TDRD3: variants seen among roughly 807,000 people sequenced by gnomAD.
TDRD3 encodes the protein tudor domain-containing protein 3.
Under a neutral mutation model 86.7 loss-of-function variants are expected in TDRD3, and 45 were observed. That is an observed-to-expected ratio of 0.52 (90% CI 0.41 to 0.67). The LOEUF (loss-of-function observed/expected upper bound fraction) is 0.67. Among genes scored for constraint, TDRD3 ranks in the 30% least tolerant of loss-of-function variants. The pLI is 0.00. For missense variants in TDRD3, 814 were observed against 889.0 expected (o/e 0.92, Z 1.07); for synonymous variants, 298 against 301.7 (o/e 0.99, Z 0.13).
intron 12 of TDRD3, among the ~76,000 whole-genome samples, chr13:60,562,458 A>G (rs1420416910): frequency 6.6e-6 from 1 of 152,256 alleles, no homozygotes; most frequent in Non-Finnish European, 1.5e-5. Flanking sequence ...ATTAAAGTCC[A>G]TTACATGTTT....
chr13:60,430,015 A>G (rs1374075338), intron 1 of TDRD3, among the ~76,000 whole-genome samples: 1 of 152,116 alleles, frequency 6.6e-6, no homozygotes, highest in Non-Finnish European at 1.5e-5. Context: ...TTCTTAGAAA[A>G]ACTCTGTAGA....
In TDRD3 at chr13:60,567,670, G is replaced by A. The variant is rs1279954049; in HGVS notation, c.*9+20G>A. The stretch of plus-strand genomic sequence containing the variant: ...GAAAAGGTAAACTTAACATTGTGAA[G>A]TGGTTTTCATATAAAGAAAGATGAA... On this transcript the variant is annotated intron_variant, in intron 13 of 13. Coordinates refer to ENST00000377881, the MANE Select transcript of TDRD3 (RefSeq NM_001146070.2). The A allele has an allele frequency of 4.4e-6, 7 of 1,608,864 alleles. No homozygotes were observed. Among genetic ancestry groups the A allele is most frequent in the East Asian group, 2.2e-5 (1 of 44,860 alleles).
intron 3 of TDRD3, 103 bp downstream of exon 3, chr13:60,444,851 A>C: frequency 1.7e-6 from 1 of 590,238 alleles, no homozygotes; most frequent in South Asian, 3.5e-5. Context: ...CAATTGCAAA[A>C]TACTCTGGAG....
intron 10 of TDRD3, among the ~76,000 whole-genome samples, chr13:60,526,678 C>T (rs1248915385): frequency 2.8e-5 from 4 of 144,580 alleles, no homozygotes; most frequent in African/African-American, 1.0e-4. Flanking sequence ...AATCTTATAT[C>T]TTAGAAAAAT....
intron 8 of TDRD3, 73 bp from the exon 9 acceptor site, chr13:60,509,690 A>G: frequency 1.9e-6 from 3 of 1,563,500 alleles, no homozygotes; most frequent in Non-Finnish European, 2.6e-6. Context: ...GTTAAAAGAC[A>G]GTAAGTAGTT....
In TDRD3 at chr13:60,508,827, C is replaced by T. The variant is rs570146649; in HGVS notation, c.859-936C>T. On this transcript the variant is annotated intron_variant, in intron 8 of 13. Coordinates refer to ENST00000377881, the MANE Select transcript of TDRD3 (RefSeq NM_001146070.2). ...GGAGGCACAATCTGACTTTCAGTTA[C>T]CTAATTACAGGATTCAAAATGTCCA... is the stretch of plus-strand genomic sequence containing the variant. 2.6e-5 allele frequency among the ~76,000 whole-genome samples: 4 copies of T among 152,198 alleles called. No individual in the cohort carries two copies. The South Asian group carries it at 8.3e-4, about 32-fold the overall frequency.
At chr13:60,539,480 A>G (rs1241224913) in intron 12 of TDRD3, among the ~76,000 whole-genome samples, 1 of 152,004 alleles carries the variant, frequency 6.6e-6, no homozygotes, top group African/African-American at 2.4e-5. Flanking sequence ...AGAAGAAAGC[A>G]TAACTTAAAG....
At chr13:60,562,250 T>G (rs1958350993) in intron 12 of TDRD3, among the ~76,000 whole-genome samples, 1 of 151,744 alleles carries the variant, frequency 6.6e-6, no homozygotes, top group South Asian at 2.1e-4. Context: ...GAGGTGGAGG[T>G]TGCAGCGAGC....
At chr13:60,517,976 G>A (rs1312724285) in intron 10 of TDRD3, among the ~76,000 whole-genome samples, 1 of 152,134 alleles carries the variant, frequency 6.6e-6, no homozygotes, top group Non-Finnish European at 1.5e-5. Flanking sequence ...AAAAACCCTG[G>A]TCTTTCACTA....
intron 5 of TDRD3, 36 bp downstream of exon 5, chr13:60,467,415 T>G: frequency 6.2e-7 from 1 of 1,603,698 alleles, no homozygotes; most frequent in Non-Finnish European, 8.5e-7. Flanking sequence ...TTTGAAACAT[T>G]ACACTCTTTT....
At chr13:60,420,443 A>T (rs553844587) in intron 1 of TDRD3, among the ~76,000 whole-genome samples, 1 of 151,844 alleles carries the variant, frequency 6.6e-6, no homozygotes, top group Non-Finnish European at 1.5e-5. Flanking sequence ...GCCTACTTCA[A>T]GTTTGTGAAG....
At chr13:60,547,743 A>G (rs532003519) in intron 12 of TDRD3, among the ~76,000 whole-genome samples, 1 of 152,274 alleles carries the variant, frequency 6.6e-6, no homozygotes, top group African/African-American at 2.4e-5. Context: ...TATTATTTCT[A>G]TCCTCTGTCT....
At chr13:60,573,047 T>C (rs941123649) in intron 13 of TDRD3, among the ~76,000 whole-genome samples, 7 of 152,232 alleles carry the variant, frequency 4.6e-5, no homozygotes, top group Non-Finnish European at 1.0e-4. Flanking sequence ...CTGTCATGCA[T>C]GAGGCTAAAA....
intron 3 of TDRD3, among the ~76,000 whole-genome samples, chr13:60,458,708 A>G (rs1470002790): frequency 6.6e-6 from 1 of 152,244 alleles, no homozygotes; most frequent in Non-Finnish European, 1.5e-5. Context: ...CTCCATATAT[A>G]GAACACTTGA....
At chr13:60,526,561 TTTG>T (rs1566273242) in intron 10 of TDRD3, among the ~76,000 whole-genome samples, 2 of 151,936 alleles carry the variant, frequency 1.3e-5, no homozygotes, top group Non-Finnish European at 2.9e-5. Flanking sequence ...ATTGACTGCA[TTTG>T]TTAAAATAAG....
chr13:60,477,310 G>A (rs1956206547), intron 5 of TDRD3, among the ~76,000 whole-genome samples: 1 of 151,800 alleles, frequency 6.6e-6, no homozygotes, highest in Non-Finnish European at 1.5e-5. Context: ...GAACTCCTGG[G>A]TTCAAGGGAT....
intron 1 of TDRD3, among the ~76,000 whole-genome samples, chr13:60,399,652 A>G (rs1443443639): frequency 6.6e-6 from 1 of 152,244 alleles, no homozygotes; most frequent in Non-Finnish European, 1.5e-5. Flanking sequence ...GTTTGCTCTT[A>G]CACTTGGGGT....
intron 9 of TDRD3, 54 bp downstream of exon 9, chr13:60,509,973 A>G (rs1472712964): frequency 1.8e-5 from 29 of 1,577,968 alleles, no homozygotes; most frequent in Non-Finnish European, 2.3e-5. Flanking sequence ...TCAGAGTAAT[A>G]TATGTTATTG....
intron 1 of TDRD3, among the ~76,000 whole-genome samples, chr13:60,397,740 C>T (rs1953969493): frequency 1.3e-5 from 2 of 151,392 alleles, no homozygotes; most frequent in African/African-American, 4.8e-5. Flanking sequence ...CCGGGGAGGA[C>T]CTGCAGCGCC....
Sources: gnomAD v4.1 joint callset for allele counts (sites outside exome capture counted in the v4.1 genomes callset) on GRCh38, gnomAD v4.1.1 for gene constraint, MANE v1.5 for transcripts, NCBI Gene and HGNC (gene_info 2026-07-23, HGNC 2026-07-21) for gene names.